SLC26A7: variants seen among roughly 807,000 people sequenced by gnomAD.
SLC26A7 encodes the protein anion exchange transporter.
SLC26A7 carries 59 observed loss-of-function variants against 82.5 expected under a neutral mutation model. That is an observed-to-expected ratio of 0.72 (90% confidence interval 0.58 to 0.89). The LOEUF (loss-of-function observed/expected upper bound fraction) is 0.89, where lower values mean the gene tolerates loss of function less well. SLC26A7 is among the 40% of genes least tolerant of loss of function. SLC26A7 has a pLI of 0.00. For missense variants in SLC26A7, 820 were observed against 793.0 expected (o/e 1.03, Z -0.41); for synonymous variants, 271 against 274.3 (o/e 0.99, Z 0.12).
At chr8:91,340,801 G>A (rs1813387719) in intron 8 of SLC26A7, 1 of 467,136 alleles carries the variant, frequency 2.1e-6, no homozygotes, top group Non-Finnish European at 3.9e-6. Flanking sequence ...TTTGTTTTTA[G>A]GAGAGAATCC....
chr8:91,218,522 A>G (rs1777780785), intron 1 of SLC26A7, among the ~76,000 whole-genome samples: 1 of 152,172 alleles, frequency 6.6e-6, no homozygotes, highest in Non-Finnish European at 1.5e-5. Context: ...CCCATTAAGA[A>G]GTTCAGTACG....
chr8:91,291,674 A>T (rs1327128848), intron 3 of SLC26A7, among the ~76,000 whole-genome samples: 1 of 152,252 alleles, frequency 6.6e-6, no homozygotes, highest in Non-Finnish European at 1.5e-5. Context: ...CTAAGGAATC[A>T]CTGTAAACAT....
At chr8:91,336,315 C>T (rs1191890218) in intron 6 of SLC26A7, among the ~76,000 whole-genome samples, 1 of 152,056 alleles carries the variant, frequency 6.6e-6, no homozygotes. Context: ...CTGTTAGGAA[C>T]CTGGCCACAC....
intron 5 of SLC26A7, among the ~76,000 whole-genome samples, chr8:91,319,869 A>G (rs2130810559): frequency 6.6e-6 from 1 of 152,314 alleles, no homozygotes; most frequent in South Asian, 2.1e-4. Flanking sequence ...AGTTGTGTTA[A>G]AGAAGCAGGG....
intron 2 of SLC26A7, among the ~76,000 whole-genome samples, chr8:91,271,453 C>G (rs1811264658): frequency 6.6e-6 from 1 of 152,150 alleles, no homozygotes; most frequent in Non-Finnish European, 1.5e-5. Context: ...TTACTAAGCT[C>G]AGACAACTTG....
chr8:91,373,195 C>A (rs867555730), intron 15 of SLC26A7, among the ~76,000 whole-genome samples: 3 of 151,860 alleles, frequency 2.0e-5, no homozygotes, highest in African/African-American at 7.2e-5. Flanking sequence ...TTCTTCTCTT[C>A]CTATTTGGAT....
intron 1 of SLC26A7, among the ~76,000 whole-genome samples, chr8:91,211,754 T>C (rs1809929890): frequency 1.3e-5 from 2 of 151,840 alleles, no homozygotes. Context: ...GAGAACATAT[T>C]TGATAATGCC....
intron 4 of SLC26A7, among the ~76,000 whole-genome samples, chr8:91,311,494 G>A (rs1422101698): frequency 6.6e-6 from 1 of 151,694 alleles, no homozygotes; most frequent in Non-Finnish European, 1.5e-5. Context: ...AAATATACAA[G>A]CACACAATTT....
At chr8:91,327,489 A>G (rs1812965119) in intron 5 of SLC26A7, among the ~76,000 whole-genome samples, 1 of 152,156 alleles carries the variant, frequency 6.6e-6, no homozygotes, top group African/African-American at 2.4e-5. Flanking sequence ...AGACATAGAA[A>G]ACAGTCCATA....
At chr8:91,315,631 C>T (rs1424804541) in intron 4 of SLC26A7, among the ~76,000 whole-genome samples, 1 of 152,290 alleles carries the variant, frequency 6.6e-6, no homozygotes, top group East Asian at 1.9e-4. Flanking sequence ...CCACATTGGC[C>T]CCCCATATTC....
chr8:91,239,500 A>G (rs1221234263), intron 2 of SLC26A7, among the ~76,000 whole-genome samples: 5 of 151,080 alleles, frequency 3.3e-5, no homozygotes, highest in African/African-American at 1.2e-4. Context: ...GTGTACATAT[A>G]TATACACATA....
At position 91,397,142 on chromosome 8, in the gene SLC26A7, C is replaced by G. The variant is rs1431789796; in HGVS notation, c.*2045C>G. ...GTGGATAAAACTTTAAGTCCAATAA[C>G]TTGGGGGTCAAATGCTAATGTTTTA... On this transcript the variant is annotated 3_prime_UTR_variant, in exon 19 of 19. Transcript: ENST00000276609. 2 of 151,984 alleles carry G rather than the reference C, an allele frequency of 1.3e-5. No homozygotes were observed. The highest frequency in any genetic ancestry group is 4.8e-5 in the African/African-American group (2 of 41,396). 9.4% of individuals were successfully genotyped at this position (151,984 alleles called of 1,614,324 possible).
intron 15 of SLC26A7, among the ~76,000 whole-genome samples, chr8:91,380,761 T>C (rs1814648650): frequency 6.6e-6 from 1 of 152,170 alleles, no homozygotes; most frequent in South Asian, 2.1e-4. Flanking sequence ...ACACATATCC[T>C]GTGATCAGCA....
intron 3 of SLC26A7, among the ~76,000 whole-genome samples, chr8:91,290,821 G>C (rs977363177): frequency 7.2e-5 from 11 of 152,128 alleles, no homozygotes; most frequent in Admixed American, 6.6e-4. Context: ...TATTTATGTA[G>C]ATTTGGCTTT....
intron 9 of SLC26A7, among the ~76,000 whole-genome samples, chr8:91,347,388 T>C (rs1813590755): frequency 6.6e-6 from 1 of 152,182 alleles, no homozygotes; most frequent in African/African-American, 2.4e-5. Context: ...GTAGAAGAAA[T>C]TGATAATTTT....
chr8:91,260,971 A>G (rs1190993229), intron 2 of SLC26A7, among the ~76,000 whole-genome samples: 1 of 152,116 alleles, frequency 6.6e-6, no homozygotes, highest in Non-Finnish European at 1.5e-5. Flanking sequence ...CACTTGTAAT[A>G]ACGCTTAACC....
intron 16 of SLC26A7, among the ~76,000 whole-genome samples, chr8:91,390,082 T>G (rs1814913495): frequency 1.3e-5 from 2 of 151,500 alleles, no homozygotes; most frequent in Admixed American, 1.3e-4. Flanking sequence ...CTCAGGCACT[T>G]CTAAGATTTT....
intron 7 of SLC26A7, among the ~76,000 whole-genome samples, chr8:91,340,130 G>A (rs990818075): frequency 2.0e-5 from 3 of 152,126 alleles, no homozygotes; most frequent in Non-Finnish European, 2.9e-5. Flanking sequence ...AATTTCTGTC[G>A]AGTCAGAGTT....
intron 4 of SLC26A7, among the ~76,000 whole-genome samples, chr8:91,314,324 T>C (rs945887954): frequency 2.1e-4 from 32 of 152,208 alleles, no homozygotes; most frequent in African/African-American, 7.5e-4. Context: ...TACTTCAGTT[T>C]GAAGATAAAC....
Sources: allele counts gnomAD v4.1 joint callset (sites outside exome capture counted in the v4.1 genomes callset), GRCh38; gene constraint gnomAD v4.1.1; transcripts MANE v1.5; gene names NCBI Gene and HGNC (gene_info 2026-07-23, HGNC 2026-07-21).